The following BRD1 variants were observed in gnomAD, a reference collection of about 807,000 sequenced individuals.
BRD1 encodes bromodomain-containing protein 1.
In BRD1, 24 loss-of-function variants were observed where a neutral mutation model predicts 107.7. The observed-to-expected ratio is 0.22, with a 90% confidence interval of 0.16 to 0.31. BRD1 has a LOEUF of 0.31. Ranked by LOEUF, BRD1 falls within the 10% of genes least tolerant of loss-of-function variation. The probability of loss-of-function intolerance (pLI) is 1.00; values close to 1 mark genes in which losing one functional copy is unlikely to be tolerated. For synonymous variants in BRD1, 744 were observed against 686.1 expected, an observed-to-expected ratio of 1.08 and a Z score of -1.32; for missense variants, 1,279 against 1,638.6, an observed-to-expected ratio of 0.78 and a Z score of 3.79.
intron 3 of BRD1, among the ~76,000 whole-genome samples, chr22:49,802,791 T>G (rs1262063172): frequency 2.0e-5 from 3 of 152,374 alleles, no homozygotes; most frequent in African/African-American, 7.2e-5. Context: ...CGTGCTGTCC[T>G]TTCCAGGAGC....
intron 3 of BRD1, among the ~76,000 whole-genome samples, chr22:49,802,657 G>A (rs1437113625): frequency 7.1e-6 from 1 of 140,926 alleles, no homozygotes; most frequent in African/African-American, 2.7e-5. Flanking sequence ...CGGGGGCCGA[G>A]ACCAATGCCT....
intron 2 of BRD1, among the ~76,000 whole-genome samples, chr22:49,814,565 C>T (rs923045824): frequency 6.6e-6 from 1 of 152,222 alleles, no homozygotes; most frequent in Non-Finnish European, 1.5e-5. Flanking sequence ...CAAAAGAGGA[C>T]GCAGCCCCAG....
intron 2 of BRD1, chr22:49,818,254 C>T (rs1601734658): frequency 3.2e-6 from 4 of 1,251,116 alleles, no homozygotes; most frequent in African/African-American, 1.5e-5. Flanking sequence ...AGGCTGAAGT[C>T]CAGGCTCTCG....
chr22:49,775,868 C>A, intron 11 of BRD1, 123 bp from the exon 12 acceptor site: 3 of 1,246,572 alleles, frequency 2.4e-6, no homozygotes, highest in Non-Finnish European at 3.3e-6. Context: ...ACCACCCCCA[C>A]GCCCCCCTCG....
chr22:49,787,646 G>GGCC lies in BRD1; in HGVS notation c.2598_2600dup (p.Ala867dup), dbSNP rs758080640. 1,361 of 1,550,530 alleles carry GGCC rather than the reference G, an allele frequency of 8.8e-4. No homozygotes were observed. Among genetic ancestry groups the GGCC allele is most frequent in the Non-Finnish European group, 1.2e-3 (1,323 of 1,146,976 alleles). On this transcript the variant is annotated inframe_insertion, in exon 8 of 13. Transcript: ENST00000404760. ...CGCTTGCTGGCTCCGCCACCGCGGA[G>GGCC]GCCGCCGCCGCCGGCACATCGCCAC...
rs1337068223 is a variant in BRD1 at position 49,773,973 on chromosome 22, T to C, written c.*260A>G. On this transcript the variant is annotated 3_prime_UTR_variant, in exon 13 of 13. Coordinates refer to ENST00000404760, the MANE Select transcript of BRD1 (RefSeq NM_001304808.3). ...CAAAAGTCTTTAAGAAAAAGCTACATATCAAAGAAAGTGACGCCAGCAGCA... is the reference window on the plus strand; with the variant it reads ...CAAAAGTCTTTAAGAAAAAGCTACACATCAAAGAAAGTGACGCCAGCAGCA... 5.6e-6 allele frequency: 2 copies of C among 356,996 alleles called. No homozygotes were observed. The highest frequency in any genetic ancestry group is 1.0e-5 in the Non-Finnish European group (2 of 199,052). 22.1% of individuals were successfully genotyped at this position (356,996 alleles called of 1,614,324 possible).
At chr22:49,814,949 G>C (rs1408622267) in intron 2 of BRD1, among the ~76,000 whole-genome samples, 2 of 152,234 alleles carry the variant, frequency 1.3e-5, no homozygotes, top group African/African-American at 4.8e-5. Context: ...GTGCTTCAGG[G>C]AAGAGAACCC....
At chr22:49,815,577 A>G (rs189063012) in intron 2 of BRD1, among the ~76,000 whole-genome samples, 1 of 152,094 alleles carries the variant, frequency 6.6e-6, no homozygotes, top group Admixed American at 6.5e-5. Flanking sequence ...GTTTCCAGAT[A>G]TAGTAATGTC....
At chr22:49,822,722 C>A (rs1398859604) in intron 2 of BRD1, among the ~76,000 whole-genome samples, 2 of 151,734 alleles carry the variant, frequency 1.3e-5, no homozygotes, top group African/African-American at 2.4e-5. Flanking sequence ...AAAAAAAAAA[C>A]ATAGAAAACT....
At chr22:49,815,092 G>A (rs919087052) in intron 2 of BRD1, among the ~76,000 whole-genome samples, 1 of 152,230 alleles carries the variant, frequency 6.6e-6, no homozygotes, top group South Asian at 2.1e-4. Context: ...CCTGCTCTGC[G>A]AAATGCTACC....
chr22:49,778,747 C>T (rs1043116994), intron 8 of BRD1, among the ~76,000 whole-genome samples: 2 of 152,166 alleles, frequency 1.3e-5, no homozygotes, highest in Non-Finnish European at 2.9e-5. Flanking sequence ...CTGCAAGCTC[C>T]ACCTCCCGGG....
At chr22:49,817,948 A>G (rs138873) in intron 2 of BRD1, among the ~76,000 whole-genome samples, 3,437 of 152,300 alleles carry the variant, frequency 0.023, 50 homozygotes, top group Non-Finnish European at 0.033. Context: ...TGTTAGGATT[A>G]CTAGCCTGAG....
intron 2 of BRD1, chr22:49,818,137 C>T (rs941118409): frequency 2.3e-6 from 2 of 855,762 alleles, no homozygotes; most frequent in Non-Finnish European, 2.9e-6. Context: ...CCAGTGAAGG[C>T]GGGAGGAGCA....
rs567334938 is a variant in BRD1 at position 49,776,243 on chromosome 22, G to A, written c.3122-84C>T. On this transcript the variant is annotated intron_variant, in intron 10 of 12. Transcript: ENST00000404760. ...CCCCCCACAAAAGGTGCAGCAACAG[G>A]GTGGGTCCCCCGAGCACAGCCCAGC... 5.5e-4 allele frequency: 690 copies of A among 1,264,752 alleles called. 2 individuals carry two copies. The African/African-American group carries it at 8.5e-3, about 16-fold the overall frequency. The allele number at this position is 1,264,752 out of a possible 1,614,324, so 78.3% of individuals were successfully genotyped here.
chr22:49,799,054 G>T lies in BRD1; in HGVS notation c.1590C>A (p.His530Gln). The part of the protein sequence containing the change: ...EKLKYWQRLR[H>Q]DLERARLLIE... ...TCAGCAGGCGAGCGCGCTCCAGGTC[G>T]TGCCGCAGCCGCTGCCAGTACTTCA... is the stretch of plus-strand genomic sequence containing the variant. The change falls in exon 4 of 13, where the codon CAC becomes CAA. Residue 530 changes from histidine to glutamine, a missense_variant. This residue lies in a region of BRD1 where 406 missense variants were observed against 519.4 expected (regional missense o/e 0.78). Transcript: ENST00000404760. The T allele has an allele frequency of 6.2e-7, 1 of 1,611,336 alleles. No individual in the cohort carries two copies.
chr22:49,774,181 CAT>C lies in BRD1; in HGVS notation c.*50_*51del. 1.3e-6 allele frequency: 2 copies of C among 1,556,362 alleles called. No homozygotes were observed. Among genetic ancestry groups the C allele is most frequent in the Non-Finnish European group, 1.7e-6 (2 of 1,148,588 alleles). On this transcript the variant is annotated 3_prime_UTR_variant, in exon 13 of 13. Coordinates refer to ENST00000404760, the MANE Select transcript of BRD1 (RefSeq NM_001304808.3). ...AGTTAAGTTTTGAACAATATACAAACATGTACAGCTTATCAACACTATGGACA... is the reference window on the plus strand; with the variant it reads ...AGTTAAGTTTTGAACAATATACAAACGTACAGCTTATCAACACTATGGACA...
chr22:49,826,100 C>G, intron 1 of BRD1: 1 of 922,516 alleles, frequency 1.1e-6, no homozygotes, highest in Non-Finnish European at 1.3e-6. Context: ...ACCCGGGACG[C>G]CGACACGCGT....
rs1412494823 is a variant in BRD1 at position 49,773,420 on chromosome 22, T to C, written c.*813A>G. The C allele has an allele frequency of 6.6e-6, 1 of 152,568 alleles. No homozygotes were observed. Among genetic ancestry groups the C allele is most frequent in the Non-Finnish European group, 1.5e-5 (1 of 68,040 alleles). The allele number at this position is 152,568 out of a possible 1,614,324, so 9.5% of individuals were successfully genotyped here. ...ATACATCACAGGTACCATACAAAAA[T>C]GTATCCAAAGTTTCTATTGCTACCA... On this transcript the variant is annotated 3_prime_UTR_variant, in exon 13 of 13. Transcript: ENST00000404760.
intron 1 of BRD1, among the ~76,000 whole-genome samples, chr22:49,825,174 C>G (rs1368847003): frequency 1.3e-5 from 2 of 152,176 alleles, no homozygotes; most frequent in African/African-American, 4.8e-5. Context: ...CTTCCACGTC[C>G]TCCTCCTTTC....
Sources: allele counts gnomAD v4.1 joint callset (sites outside exome capture counted in the v4.1 genomes callset), GRCh38; gene constraint gnomAD v4.1.1; regional missense constraint gnomAD v4.1.1; transcripts MANE v1.5; gene names NCBI Gene and HGNC (gene_info 2026-07-23, HGNC 2026-07-21).